Variants in AFG1L observed in about 807,000 individuals in gnomAD.
The protein encoded by AFG1L is AFG1-like ATPase.
In AFG1L, 53 loss-of-function variants were observed where a neutral mutation model predicts 62.2. The observed-to-expected ratio is 0.85, with a 90% CI of 0.68 to 1.07. The LOEUF is 1.07. Ranked by LOEUF, AFG1L falls within the 50% of genes least tolerant of loss-of-function variation. AFG1L has a pLI of 0.00. For missense variants in AFG1L, 555 were observed against 590.5 expected, an observed-to-expected ratio of 0.94 and a Z score of 0.62; for synonymous variants, 228 against 210.3, an observed-to-expected ratio of 1.08 and a Z score of -0.73.
chr6:108,460,963 G>GACAACA (rs897521423), intron 8 of AFG1L, among the ~76,000 whole-genome samples: 1 of 151,972 alleles, frequency 6.6e-6, no homozygotes, highest in African/African-American at 2.4e-5. Context: ...TCTCAACAAT[G>GACAACA]ACAACAACAA....
At chr6:108,369,435 CT>C in intron 6 of AFG1L, among the ~76,000 whole-genome samples, 1 of 152,092 alleles carries the variant, frequency 6.6e-6, no homozygotes, top group Non-Finnish European at 1.5e-5. Context: ...TGTTTTCTAT[CT>C]TTTTGCCTTA....
chr6:108,381,310 A>G (rs1780506276), intron 6 of AFG1L, among the ~76,000 whole-genome samples: 1 of 152,146 alleles, frequency 6.6e-6, no homozygotes, highest in South Asian at 2.1e-4. Flanking sequence ...CATTTAGGTA[A>G]ATATCTTAAT....
intron 5 of AFG1L, among the ~76,000 whole-genome samples, chr6:108,365,517 A>C (rs961004284): frequency 5.0e-5 from 7 of 138,682 alleles, no homozygotes; most frequent in Non-Finnish European, 6.1e-5. Flanking sequence ...GGTAGAAGGA[A>C]TATTTGTGTT....
chr6:108,304,476 C>A (rs112096558), intron 1 of AFG1L, among the ~76,000 whole-genome samples: 2,645 of 152,178 alleles, frequency 0.017, 86 homozygotes, highest in African/African-American at 0.06. Context: ...TGGTCAGTGG[C>A]CACTGTTTAT....
intron 7 of AFG1L, among the ~76,000 whole-genome samples, chr6:108,404,436 C>T (rs890668328): frequency 3.9e-5 from 6 of 152,024 alleles, no homozygotes; most frequent in Admixed American, 2.0e-4. Context: ...CTTAGTAAAG[C>T]CTGCTTTATG....
intron 6 of AFG1L, among the ~76,000 whole-genome samples, chr6:108,367,973 A>G (rs985719989): frequency 4.6e-5 from 7 of 152,168 alleles, no homozygotes; most frequent in African/African-American, 1.4e-4. Flanking sequence ...AAGCTATGCC[A>G]CATTGATGGT....
At chr6:108,501,612 G>T (rs1203535525) in intron 10 of AFG1L, among the ~76,000 whole-genome samples, 1 of 152,098 alleles carries the variant, frequency 6.6e-6, no homozygotes, top group African/African-American at 2.4e-5. Context: ...TAAGTCCTTA[G>T]AGTCCTCTCT....
chr6:108,300,964 G>A (rs989949160), intron 1 of AFG1L, among the ~76,000 whole-genome samples: 1 of 152,150 alleles, frequency 6.6e-6, no homozygotes, highest in African/African-American at 2.4e-5. Context: ...GAGCCACCAC[G>A]CCCGGCCTGA....
At chr6:108,338,779 A>T (rs1778566580) in intron 2 of AFG1L, among the ~76,000 whole-genome samples, 1 of 152,240 alleles carries the variant, frequency 6.6e-6, no homozygotes, top group Non-Finnish European at 1.5e-5. Flanking sequence ...GCTTCATAGG[A>T]ATTGTTTGAT....
intron 7 of AFG1L, among the ~76,000 whole-genome samples, chr6:108,431,175 C>G (rs1771054086): frequency 6.6e-6 from 1 of 151,872 alleles, no homozygotes; most frequent in African/African-American, 2.4e-5. Context: ...GTGATCTTGG[C>G]TCACTGCAAC....
intron 7 of AFG1L, 135 bp downstream of exon 7, chr6:108,402,189 G>C (rs1781650589): frequency 2.2e-6 from 1 of 446,198 alleles, no homozygotes; most frequent in South Asian, 4.2e-5. Flanking sequence ...CAGGGGCCGG[G>C]CACGGTGGCT....
At chr6:108,398,994 T>C (rs771038899) in intron 6 of AFG1L, among the ~76,000 whole-genome samples, 2 of 152,122 alleles carry the variant, frequency 1.3e-5, no homozygotes, top group African/African-American at 4.8e-5. Context: ...AATGGCATTG[T>C]GACTTTGGTG....
At chr6:108,324,323 A>G (rs1438663693) in intron 2 of AFG1L, among the ~76,000 whole-genome samples, 1 of 152,196 alleles carries the variant, frequency 6.6e-6, no homozygotes, top group Non-Finnish European at 1.5e-5. Flanking sequence ...CCTTTCCTCT[A>G]GCTCAGGCCT....
At chr6:108,397,837 C>G (rs2114616067) in intron 6 of AFG1L, among the ~76,000 whole-genome samples, 1 of 152,292 alleles carries the variant, frequency 6.6e-6, no homozygotes, top group South Asian at 2.1e-4. Context: ...AACACATTTT[C>G]TTTATCCATT....
chr6:108,400,312 T>C (rs576725246), intron 6 of AFG1L, among the ~76,000 whole-genome samples: 63 of 152,062 alleles, frequency 4.1e-4, no homozygotes, highest in African/African-American at 1.5e-3. Flanking sequence ...TTTCGTATGA[T>C]ACTAGCTGTG....
Position 108,510,271 on chromosome 6 carries a change from A to G in AFG1L, c.1122A>G (p.Arg374=). Residue 374 remains arginine, a synonymous_variant, in exon 11 of 13, where the codon CGA becomes CGG. Coordinates refer to ENST00000368977, the MANE Select transcript of AFG1L (RefSeq NM_145315.5). ...LSKNFDTIFL[R]NIPQFTLANR... ...AGAATTTTGATACAATATTTTTACG[A>G]AACATTCCGCAATTTACTCTGGCAA... is the stretch of plus-strand genomic sequence containing the variant. The G allele has an allele frequency of 1.2e-6, 2 of 1,612,582 alleles. No individual in the cohort carries two copies. The highest frequency in any genetic ancestry group is 1.7e-6 in the Non-Finnish European group (2 of 1,179,024).
intron 10 of AFG1L, 52 bp downstream of exon 10, chr6:108,477,344 CT>C: frequency 3.7e-6 from 4 of 1,078,580 alleles, no homozygotes; most frequent in Non-Finnish European, 5.4e-6. Context: ...TGTTAAAATA[CT>C]TCGTGTTTTC....
At chr6:108,360,388 C>A (rs1279076063) in intron 5 of AFG1L, among the ~76,000 whole-genome samples, 3 of 152,144 alleles carry the variant, frequency 2.0e-5, no homozygotes, top group Non-Finnish European at 4.4e-5. Flanking sequence ...CAAAACAAGA[C>A]AATACCAAAT....
At chr6:108,511,115 AAG>A (rs1390632966) in intron 11 of AFG1L, among the ~76,000 whole-genome samples, 1 of 150,292 alleles carries the variant, frequency 6.7e-6, no homozygotes, top group Non-Finnish European at 1.5e-5. Flanking sequence ...GAAGAAGAAG[AAG>A]AAGTAGAAGG....
Sources: gnomAD v4.1 joint callset for allele counts (sites outside exome capture counted in the v4.1 genomes callset) on GRCh38, gnomAD v4.1.1 for gene constraint, MANE v1.5 for transcripts, NCBI Gene and HGNC (gene_info 2026-07-23, HGNC 2026-07-21) for gene names.